NKAIN3: variants seen among roughly 807,000 people sequenced by gnomAD.
The protein encoded by NKAIN3 is sodium/potassium transporting ATPase interacting 3.
NKAIN3 carries 25 observed loss-of-function variants against 30.2 expected under a neutral mutation model. The observed-to-expected ratio is 0.83, with a 90% CI of 0.60 to 1.16. The LOEUF is 1.16. Ranked by LOEUF, NKAIN3 falls within the 50% of genes most tolerant of loss-of-function variation. The pLI, the probability that NKAIN3 is intolerant of heterozygous loss-of-function variation, is 0.00. For synonymous variants in NKAIN3, 91 were observed against 89.6 expected, an observed-to-expected ratio of 1.02 and a Z score of -0.09; for missense variants, 225 against 254.1, an observed-to-expected ratio of 0.89 and a Z score of 0.78.
At chr8:62,919,777 A>G (rs1280445390) in intron 5 of NKAIN3, among the ~76,000 whole-genome samples, 1 of 152,170 alleles carries the variant, frequency 6.6e-6, no homozygotes, top group African/African-American at 2.4e-5. Context: ...ATGATATATG[A>G]GTTGGAATCC....
intron 4 of NKAIN3, among the ~76,000 whole-genome samples, chr8:62,842,561 G>C (rs1454184737): frequency 6.6e-6 from 1 of 151,978 alleles, no homozygotes; most frequent in African/African-American, 2.4e-5. Context: ...AAGTAATCTT[G>C]AGCAAAAAGA....
At chr8:62,279,390 G>A (rs956549938) in intron 1 of NKAIN3, among the ~76,000 whole-genome samples, 53 of 152,202 alleles carry the variant, frequency 3.5e-4, no homozygotes, top group East Asian at 1.2e-3. Flanking sequence ...GATTCCATTC[G>A]TCAATTTTGG....
chr8:62,599,150 A>G (rs1810918623), intron 3 of NKAIN3, among the ~76,000 whole-genome samples: 1 of 152,074 alleles, frequency 6.6e-6, no homozygotes. Context: ...CTTGCATATT[A>G]TGGGAGTCTT....
At chr8:62,913,116 T>C (rs1283420392) in intron 4 of NKAIN3, among the ~76,000 whole-genome samples, 2 of 151,002 alleles carry the variant, frequency 1.3e-5, no homozygotes, top group African/African-American at 4.9e-5. Flanking sequence ...TGAAACACCT[T>C]CTGAAGGAAC....
At chr8:62,992,050 G>T (rs189497979) in intron 5 of NKAIN3, among the ~76,000 whole-genome samples, 2 of 150,272 alleles carry the variant, frequency 1.3e-5, no homozygotes, top group Non-Finnish European at 1.5e-5. Context: ...ACAGAGTCTC[G>T]CTTTGTCGTC....
intron 1 of NKAIN3, among the ~76,000 whole-genome samples, chr8:62,423,570 AT>A (rs1563392458): frequency 6.6e-6 from 1 of 151,592 alleles, no homozygotes; most frequent in Admixed American, 6.6e-5. Context: ...TGGCATTCTT[AT>A]TTTTTTACAG....
rs11992253 is a variant in NKAIN3, at chr8:62,971,891, A to G, written c.*6484A>G. 0.11 allele frequency among the ~76,000 whole-genome samples: 16,096 copies of G among 152,212 alleles called. 898 individuals carry two copies. Among genetic ancestry groups the G allele is most frequent in the South Asian group, 0.17 (808 of 4,818 alleles). ...CCTTATCTTGTCTTTGTGGTTAGAA[A>G]GAAATGAAAATAAATCAGTAGCACT... On this transcript the variant is annotated 3_prime_UTR_variant, in exon 7 of 7. Transcript: ENST00000623646.
At chr8:62,731,844 C>T (rs1315325476) in intron 3 of NKAIN3, among the ~76,000 whole-genome samples, 1 of 152,142 alleles carries the variant, frequency 6.6e-6, no homozygotes, top group Non-Finnish European at 1.5e-5. Context: ...TTCAAGAGCA[C>T]TTCCTCAAAA....
At chr8:62,930,677 T>A (rs1378343860) in intron 5 of NKAIN3, among the ~76,000 whole-genome samples, 1 of 152,094 alleles carries the variant, frequency 6.6e-6, no homozygotes, top group African/African-American at 2.4e-5. Flanking sequence ...TCAAGTTTCA[T>A]CCATATTGTA....
chr8:62,687,251 A>T (rs1314360097), intron 3 of NKAIN3, among the ~76,000 whole-genome samples: 3 of 152,240 alleles, frequency 2.0e-5, no homozygotes, highest in African/African-American at 7.2e-5. Flanking sequence ...CAGAAGGAAA[A>T]CACAGGAATG....
intron 3 of NKAIN3, among the ~76,000 whole-genome samples, chr8:62,720,841 C>T (rs1792442117): frequency 6.6e-6 from 1 of 152,158 alleles, no homozygotes; most frequent in Non-Finnish European, 1.5e-5. Flanking sequence ...TTAACTTGTT[C>T]ATAGAAGAGG....
chr8:62,497,282 A>C (rs1472360443), intron 1 of NKAIN3, among the ~76,000 whole-genome samples: 3 of 152,124 alleles, frequency 2.0e-5, no homozygotes, highest in African/African-American at 7.2e-5. Context: ...ATAGAAAATG[A>C]AATAAACATA....
downstream of NKAIN3, among the ~76,000 whole-genome samples, chr8:62,989,471 C>A (rs1276244045): frequency 2.6e-5 from 4 of 152,114 alleles, no homozygotes; most frequent in Admixed American, 1.3e-4. Flanking sequence ...GTAACTCCCC[C>A]TTACAAAGCC....
chr8:62,284,168 C>T (rs1813294469), intron 1 of NKAIN3, among the ~76,000 whole-genome samples: 1 of 152,034 alleles, frequency 6.6e-6, no homozygotes, highest in Non-Finnish European at 1.5e-5. Context: ...TGAGGTGGGC[C>T]AACAGGCATT....
At chr8:62,665,801 A>G (rs1813080111) in intron 3 of NKAIN3, among the ~76,000 whole-genome samples, 1 of 152,172 alleles carries the variant, frequency 6.6e-6, no homozygotes, top group Non-Finnish European at 1.5e-5. Context: ...GTGCCCAGCA[A>G]TAAGTTTCCA....
At chr8:62,870,622 A>G (rs1403423126) in intron 4 of NKAIN3, among the ~76,000 whole-genome samples, 11 of 98,826 alleles carry the variant, frequency 1.1e-4, no homozygotes, top group Non-Finnish European at 2.3e-4. Context: ...ATATATATAC[A>G]AAATAAACTC....
chr8:62,494,068 G>A (rs1807156481), intron 1 of NKAIN3, among the ~76,000 whole-genome samples: 1 of 152,116 alleles, frequency 6.6e-6, no homozygotes, highest in African/African-American at 2.4e-5. Context: ...ATGTTGAATA[G>A]GAGTGATTAG....
At chr8:62,900,312 G>A (rs1426445499) in intron 4 of NKAIN3, among the ~76,000 whole-genome samples, 4 of 152,198 alleles carry the variant, frequency 2.6e-5, no homozygotes, top group African/African-American at 9.7e-5. Context: ...AGTGAGCAAC[G>A]TGTGGAGGTG....
At chr8:62,943,179 T>C (rs569781100) in intron 5 of NKAIN3, among the ~76,000 whole-genome samples, 2 of 151,874 alleles carry the variant, frequency 1.3e-5, no homozygotes, top group Admixed American at 1.3e-4. Flanking sequence ...AAACTCAAAC[T>C]AATCCGCAGG....
Sources: allele counts gnomAD v4.1 joint callset (sites outside exome capture counted in the v4.1 genomes callset), GRCh38; gene constraint gnomAD v4.1.1; transcripts MANE v1.5; gene names NCBI Gene and HGNC (gene_info 2026-07-23, HGNC 2026-07-21).